BLCAP: variants seen among roughly 807,000 people sequenced by gnomAD.
The protein encoded by BLCAP is apoptosis inducing factor BLCAP.
A neutral mutation model predicts 5.7 loss-of-function variants in BLCAP; 1 was observed. That is an observed-to-expected ratio of 0.18 (90% CI 0.06 to 0.83). The LOEUF (loss-of-function observed/expected upper bound fraction) is 0.83. Ranked by LOEUF, BLCAP falls within the 40% of genes least tolerant of loss-of-function variation. BLCAP has a pLI of 0.71. For synonymous variants in BLCAP, 48 were observed against 49.4 expected, an observed-to-expected ratio of 0.97 and a Z score of 0.11; for missense variants, 66 against 107.6, an observed-to-expected ratio of 0.61 and a Z score of 1.71.
chr20:37,521,301 T>C lies in BLCAP; in HGVS notation c.-176-1951A>G. The C allele has an allele frequency of 6.2e-7, 1 of 1,612,016 alleles. No individual in the cohort carries two copies. Among genetic ancestry groups the C allele is most frequent in the Non-Finnish European group, 8.5e-7 (1 of 1,178,220 alleles). Reference sequence around the variant, plus strand: ...CCAGCGGATCTCGGCAAACCCTCTTTCTCGACCACCCACCTACCATTCTTG... The same window carrying C: ...CCAGCGGATCTCGGCAAACCCTCTTCCTCGACCACCCACCTACCATTCTTG... On this transcript the variant is annotated intron_variant, in intron 1 of 1. Coordinates refer to ENST00000373537, the MANE Select transcript of BLCAP (RefSeq NM_006698.4). The surrounding 1 kb of genome is among the most constrained non-coding windows in gnomAD (Gnocchi z 4.5).
At chr20:37,522,783 G>C in intron 1 of BLCAP, 1 of 1,567,508 alleles carries the variant, frequency 6.4e-7, no homozygotes, top group Non-Finnish European at 8.6e-7. Context: ...AGCCCTGGGC[G>C]GCCGTATCAT....
At position 37,518,076 on chromosome 20, in the gene BLCAP, C is replaced by A. The variant is rs1456766581; in HGVS notation, c.*835G>T. On this transcript the variant is annotated 3_prime_UTR_variant, in exon 2 of 2. Transcript: ENST00000373537. ...CACAGGTACTCTCCCACTCACTCAGCTGGGGACTGCTAGAACTACGTGAAC... is the reference window on the plus strand; with the variant it reads ...CACAGGTACTCTCCCACTCACTCAGATGGGGACTGCTAGAACTACGTGAAC... The A allele has an allele frequency of 6.6e-6, 1 of 152,402 alleles. No individual in the cohort carries two copies. The highest frequency in any genetic ancestry group is 1.5e-5 in the Non-Finnish European group (1 of 68,134). The allele number at this position is 152,402 out of a possible 1,614,324, so 9.4% of individuals were successfully genotyped here. A position where few individuals can be genotyped will look rare whatever the true frequency, so the allele number is the denominator to read the frequency against.
chr20:37,527,656 CT>C, intron 1 of BLCAP, 136 bp downstream of exon 1: 1 of 152,538 alleles, frequency 6.6e-6, no homozygotes, highest in Non-Finnish European at 1.5e-5. Flanking sequence ...GGCGCCCTGC[CT>C]TCCCGGGGTA....
intron 1 of BLCAP, chr20:37,522,518 T>C: frequency 7.0e-7 from 1 of 1,438,834 alleles, no homozygotes; most frequent in South Asian, 1.2e-5. Flanking sequence ...CTGCCCTGAC[T>C]CGTGGACAAG....
chr20:37,521,647 G>A lies in BLCAP; in HGVS notation c.-176-2297C>T. On this transcript the variant is annotated intron_variant, in intron 1 of 1. Coordinates refer to ENST00000373537, the MANE Select transcript of BLCAP (RefSeq NM_006698.4). This position sits in a 1 kb window ranked among gnomAD's most constrained non-coding sequence, Gnocchi z 4.5. ...AACAAAGACTCGGGGCGCGGCGGGC[G>A]ACCGCTGCGGACGATCACCCAGGCA... 3.9e-6 allele frequency: 2 copies of A among 518,448 alleles called. No homozygotes were observed. Among genetic ancestry groups the A allele is most frequent in the East Asian group, 3.4e-5 (1 of 29,410 alleles). The allele number at this position is 518,448 out of a possible 1,614,324, so 32.1% of individuals were successfully genotyped here. A position where few individuals can be genotyped will look rare whatever the true frequency, so the allele number is the denominator to read the frequency against.
rs754592291 is a variant in BLCAP, at chr20:37,521,441, A to G, written c.-176-2091T>C. The G allele has an allele frequency of 2.5e-6, 4 of 1,596,422 alleles. No homozygotes were observed. The highest frequency in any genetic ancestry group is 1.3e-5 in the African/African-American group (1 of 74,698). ...GGGTTTCGGGTGGGAGAGGGTTCCCAACTCGCGCCCCTAGAACCCGCAAGA... is the reference window on the plus strand; with the variant it reads ...GGGTTTCGGGTGGGAGAGGGTTCCCGACTCGCGCCCCTAGAACCCGCAAGA... On this transcript the variant is annotated intron_variant, in intron 1 of 1. Transcript: ENST00000373537. This position sits in a 1 kb window ranked among gnomAD's most constrained non-coding sequence, Gnocchi z 4.5.
intron 1 of BLCAP, chr20:37,522,589 C>CGGGGGGGGGGG: frequency 1.5e-6 from 1 of 662,386 alleles, no homozygotes; most frequent in Non-Finnish European, 2.1e-6. Context: ...GGGGGTGGGG[C>CGGGGGGGGGGG]GGGGGTGGGC....
chr20:37,526,290 A>AC (rs1215801743), intron 1 of BLCAP, among the ~76,000 whole-genome samples: 1 of 65,628 alleles, frequency 1.5e-5, no homozygotes, highest in Non-Finnish European at 3.2e-5. Flanking sequence ...CACCGCCCCC[A>AC]CCCCCCCTCA....
In BLCAP at chr20:37,518,722, C is replaced by T; in HGVS notation, c.*189G>A. The T allele has an allele frequency of 2.4e-6, 2 of 844,056 alleles. No individual in the cohort carries two copies. Among genetic ancestry groups the T allele is most frequent in the East Asian group, 2.7e-5 (1 of 37,322 alleles). The allele number at this position is 844,056 out of a possible 1,614,324, so 52.3% of individuals were successfully genotyped here. ...CACAAGACCACCCACGACTATAGGA[C>T]TTTACAATAAAAGCACCGGTCAGTG... On this transcript the variant is annotated 3_prime_UTR_variant, in exon 2 of 2. Coordinates refer to ENST00000373537, the MANE Select transcript of BLCAP (RefSeq NM_006698.4).
In BLCAP at chr20:37,524,036, T is replaced by C. The variant is rs184872972; in HGVS notation, c.-177+3757A>G. 2.7e-4 allele frequency among the ~76,000 whole-genome samples: 41 copies of C among 152,172 alleles called. 1 individual carries two copies. The highest frequency in any genetic ancestry group is 9.6e-4 in the African/African-American group (40 of 41,516). On this transcript the variant is annotated intron_variant, in intron 1 of 1. Coordinates refer to ENST00000373537, the MANE Select transcript of BLCAP (RefSeq NM_006698.4). ...GAAAGATGAGAGGAGGGGAAAAAGG[T>C]GGGAGTAGCCCTCCAAAGAGGTACT... is the stretch of plus-strand genomic sequence containing the variant.
chr20:37,522,653 G>C (rs768932833), intron 1 of BLCAP: 2 of 1,606,318 alleles, frequency 1.2e-6, no homozygotes, highest in East Asian at 2.2e-5. Context: ...TGGGTCCTGG[G>C]TTTCTCGTCG....
chr20:37,522,310 C>T (rs777655389), intron 1 of BLCAP: 73 of 1,507,934 alleles, frequency 4.8e-5, no homozygotes, highest in Non-Finnish European at 4.7e-5. Context: ...AGGAAGAATT[C>T]CCTGCTAAAG....
chr20:37,526,448 C>T (rs1319364643), intron 1 of BLCAP, among the ~76,000 whole-genome samples: 2 of 152,130 alleles, frequency 1.3e-5, no homozygotes, highest in East Asian at 1.9e-4. Context: ...TTATCCTCCC[C>T]TCCCCGACTT....
chr20:37,518,931 G>A lies in BLCAP; in HGVS notation c.244C>T (p.Pro82Ser), dbSNP rs138097907. 1.1e-4 allele frequency: 170 copies of A among 1,614,106 alleles called. No homozygotes were observed. The highest frequency in any genetic ancestry group is 1.4e-4 in the Non-Finnish European group (168 of 1,180,056). The change falls in exon 2 of 2, where the codon CCC becomes TCC. Residue 82 changes from proline to serine, a missense_variant. By Grantham distance (74) the Pro-to-Ser change is moderately conservative. Coordinates refer to ENST00000373537, the MANE Select transcript of BLCAP (RefSeq NM_006698.4). ...DSPLPESAHD[P>S]GVVGT ...GGCCGTTAGGTGCCCACAACGCCGG[G>A]ATCATGCGCCGATTCTGGAAGCGGG...
chr20:37,526,526 T>G (rs1403984232), intron 1 of BLCAP: 1 of 151,534 alleles, frequency 6.6e-6, no homozygotes, highest in Non-Finnish European at 1.5e-5. Context: ...GAGCAGGAAG[T>G]CAGAGAGGCA....
chr20:37,522,487 GCA>G, intron 1 of BLCAP: 2 of 1,564,780 alleles, frequency 1.3e-6, no homozygotes, highest in Non-Finnish European at 8.8e-7. Flanking sequence ...GCAGCTCTCA[GCA>G]CAGTTGGAAA....
chr20:37,524,194 C>T (rs559185406), intron 1 of BLCAP, among the ~76,000 whole-genome samples: 10 of 152,076 alleles, frequency 6.6e-5, no homozygotes, highest in East Asian at 1.9e-4. Context: ...TGCAGCGTGG[C>T]GCCTTCTTCA....
intron 1 of BLCAP, among the ~76,000 whole-genome samples, chr20:37,524,714 C>T (rs2147194916): frequency 6.6e-6 from 1 of 152,292 alleles, no homozygotes; most frequent in Non-Finnish European, 1.5e-5. Context: ...TCATGTTTCC[C>T]TCCCCTAAGC....
chr20:37,527,025 C>T (rs2071733890), intron 1 of BLCAP: 1 of 152,154 alleles, frequency 6.6e-6, no homozygotes, highest in South Asian at 2.1e-4. Flanking sequence ...CGAGGACAGA[C>T]CCCAGTCTCC....
Sources: allele counts gnomAD v4.1 joint callset (sites outside exome capture counted in the v4.1 genomes callset), GRCh38; gene constraint gnomAD v4.1.1; non-coding constraint Gnocchi (gnomAD v3.1); transcripts MANE v1.5; gene names NCBI Gene and HGNC (gene_info 2026-07-23, HGNC 2026-07-21).